The following TPD52 variants were observed in gnomAD, a reference collection of about 807,000 sequenced individuals.
TPD52 encodes the protein tumor protein D52, also known as prostate and colon associated protein.
In TPD52, 17 loss-of-function variants were observed where a neutral mutation model predicts 31.3. The observed-to-expected ratio is 0.54, with a 90% CI of 0.37 to 0.82. The LOEUF is 0.82. TPD52 is among the 40% of genes least tolerant of loss of function. The probability of loss-of-function intolerance (pLI) is 0.00; values close to 1 mark genes in which losing one functional copy is unlikely to be tolerated. For missense variants in TPD52, 212 were observed against 240.1 expected, an observed-to-expected ratio of 0.88 and a Z score of 0.77; for synonymous variants, 83 against 89.6, an observed-to-expected ratio of 0.93 and a Z score of 0.42.
chr8:80,039,117 T>C (rs558077569), intron 7 of TPD52, among the ~76,000 whole-genome samples: 7 of 152,242 alleles, frequency 4.6e-5, no homozygotes, highest in Non-Finnish European at 8.8e-5. Context: ...TCAATCTTAA[T>C]TGAGTGGTCA....
At chr8:80,150,271 C>T (rs913376249) in intron 1 of TPD52, among the ~76,000 whole-genome samples, 2 of 152,208 alleles carry the variant, frequency 1.3e-5, no homozygotes, top group Admixed American at 6.5e-5. Context: ...TGGGAACCTC[C>T]GCCTAGATTT....
At chr8:80,034,685 A>G (rs2130292865), downstream of TPD52, 1 of 152,364 alleles carries the variant, frequency 6.6e-6, no homozygotes, top group African/African-American at 2.4e-5. Flanking sequence ...AATCAATTCT[A>G]GAAACCAAGG....
At chr8:80,149,467 A>C (rs953191597) in intron 1 of TPD52, among the ~76,000 whole-genome samples, 21 of 152,212 alleles carry the variant, frequency 1.4e-4, no homozygotes, top group African/African-American at 4.8e-4. Context: ...AGTGTGAGAA[A>C]AGACTAATAA....
intron 2 of TPD52, among the ~76,000 whole-genome samples, chr8:80,061,805 TA>T (rs564278106): frequency 6.6e-6 from 1 of 151,910 alleles, no homozygotes; most frequent in Non-Finnish European, 1.5e-5. Flanking sequence ...AAAGAAAATT[TA>T]AAAAAAATCC....
intron 1 of TPD52, among the ~76,000 whole-genome samples, chr8:80,129,601 G>A (rs1294028139): frequency 6.6e-6 from 1 of 151,748 alleles, no homozygotes. Context: ...GAACCACAAT[G>A]TATGTTCCAT....
intron 1 of TPD52, among the ~76,000 whole-genome samples, chr8:80,094,458 A>G (rs185279055): frequency 1.4e-4 from 12 of 83,284 alleles, no homozygotes; most frequent in South Asian, 1.0e-3. Flanking sequence ...ATATATATAT[A>G]TATATATATA....
At chr8:80,060,892 A>G (rs187562511) in intron 2 of TPD52, among the ~76,000 whole-genome samples, 40 of 152,342 alleles carry the variant, frequency 2.6e-4, no homozygotes, top group African/African-American at 8.9e-4. Flanking sequence ...CTTTCCCCAT[A>G]AGATCAGAAA....
chr8:80,171,021 C>G, intron 1 of TPD52: 1 of 455,504 alleles, frequency 2.2e-6, no homozygotes, highest in Non-Finnish European at 4.1e-6. Context: ...GGTTTCCCAC[C>G]TGGAGGGACG....
intron 2 of TPD52, among the ~76,000 whole-genome samples, chr8:80,057,883 A>G (rs916221954): frequency 1.3e-5 from 2 of 152,208 alleles, no homozygotes; most frequent in African/African-American, 4.8e-5. Context: ...AATCCACAGA[A>G]TGGGAGAAAA....
chr8:80,130,114 A>T (rs1047484241), intron 1 of TPD52, among the ~76,000 whole-genome samples: 1 of 152,316 alleles, frequency 6.6e-6, no homozygotes, highest in East Asian at 1.9e-4. Context: ...ATTGGCTCAG[A>T]TTGCTCAGAG....
At chr8:80,160,008 T>TAGTA (rs2131248994) in intron 1 of TPD52, among the ~76,000 whole-genome samples, 1 of 152,122 alleles carries the variant, frequency 6.6e-6, no homozygotes, top group East Asian at 1.9e-4. Flanking sequence ...CTGGGCAACA[T>TAGTA]AGTAAGACCT....
At chr8:80,094,492 ATATAT>A (rs1816580080) in intron 1 of TPD52, among the ~76,000 whole-genome samples, 1 of 131,244 alleles carries the variant, frequency 7.6e-6, no homozygotes, top group Non-Finnish European at 1.7e-5. Flanking sequence ...ATATGTATGT[ATATAT>A]AACATGAGGG....
At chr8:80,093,383 T>C (rs1010696231) in intron 1 of TPD52, among the ~76,000 whole-genome samples, 1 of 152,068 alleles carries the variant, frequency 6.6e-6, no homozygotes, top group Non-Finnish European at 1.5e-5. Flanking sequence ...CAGGGGTGCA[T>C]AAACACAAGC....
intron 6 of TPD52, 58 bp downstream of exon 6, chr8:80,044,109 T>A (rs1810614935): frequency 1.4e-6 from 2 of 1,433,872 alleles, no homozygotes; most frequent in African/African-American, 1.4e-5. Flanking sequence ...AAGTTAAACA[T>A]CTAAATAAAG....
chr8:80,134,285 A>T (rs1334693540), intron 1 of TPD52, among the ~76,000 whole-genome samples: 1 of 152,196 alleles, frequency 6.6e-6, no homozygotes. Context: ...ATCAGAACTG[A>T]TAGTATAGAG....
intron 1 of TPD52, among the ~76,000 whole-genome samples, chr8:80,082,945 C>T (rs575448002): frequency 6.6e-6 from 1 of 152,322 alleles, no homozygotes; most frequent in South Asian, 2.1e-4. Context: ...ATGCAACATC[C>T]TGGCTCTTTG....
intron 1 of TPD52, among the ~76,000 whole-genome samples, chr8:80,126,690 C>T (rs1014223688): frequency 6.6e-6 from 1 of 151,978 alleles, no homozygotes; most frequent in Non-Finnish European, 1.5e-5. Flanking sequence ...ACCACGTTGA[C>T]CGGGCTGGTC....
chr8:80,163,592 AC>A (rs1347317960), intron 1 of TPD52, among the ~76,000 whole-genome samples: 1 of 152,168 alleles, frequency 6.6e-6, no homozygotes, highest in Non-Finnish European at 1.5e-5. Flanking sequence ...ACATTTAAAA[AC>A]GATTAAGATG....
intron 7 of TPD52, among the ~76,000 whole-genome samples, chr8:80,038,473 T>TC (rs1810071236): frequency 6.6e-6 from 1 of 151,982 alleles, no homozygotes; most frequent in East Asian, 1.9e-4. Flanking sequence ...CCTTCCCCTT[T>TC]CCCCCTGCTC....
Sources: allele counts gnomAD v4.1 joint callset (sites outside exome capture counted in the v4.1 genomes callset), GRCh38; gene constraint gnomAD v4.1.1; transcripts MANE v1.5; gene names NCBI Gene and HGNC (gene_info 2026-07-23, HGNC 2026-07-21).